The following NRXN3 variants were observed in gnomAD, a reference collection of about 807,000 sequenced individuals.
NRXN3 encodes the protein neurexin 3.
NRXN3 carries 32 observed loss-of-function variants against 137.6 expected under a neutral mutation model. That is an observed-to-expected ratio of 0.23 (90% CI 0.18 to 0.31). NRXN3 has a LOEUF of 0.31. NRXN3 is among the 10% of genes least tolerant of loss of function. NRXN3 has a pLI of 1.00. For missense variants in NRXN3, 1,574 were observed against 2,062.5 expected, an observed-to-expected ratio of 0.76 and a Z score of 4.59; for synonymous variants, 798 against 784.5, an observed-to-expected ratio of 1.02 and a Z score of -0.29.
At chr14:78,620,479 A>G (rs1451198670) in intron 4 of NRXN3, among the ~76,000 whole-genome samples, 3 of 152,206 alleles carry the variant, frequency 2.0e-5, no homozygotes, top group Non-Finnish European at 4.4e-5. Flanking sequence ...TATCAGAGGT[A>G]CATGCCCAGT....
At chr14:78,980,857 A>G (rs1390537526) in intron 14 of NRXN3, among the ~76,000 whole-genome samples, 4 of 152,334 alleles carry the variant, frequency 2.6e-5, no homozygotes, top group Non-Finnish European at 5.9e-5. Flanking sequence ...GTATACAAAG[A>G]AAGTCACCAT....
chr14:79,718,228 A>G (rs2098830296), intron 19 of NRXN3, among the ~76,000 whole-genome samples: 1 of 152,098 alleles, frequency 6.6e-6, no homozygotes, highest in Non-Finnish European at 1.5e-5. Context: ...AGTCTGGGGG[A>G]AGAACATTTA....
intron 4 of NRXN3, among the ~76,000 whole-genome samples, chr14:78,412,080 T>C (rs2092865880): frequency 6.6e-6 from 1 of 152,226 alleles, no homozygotes; most frequent in South Asian, 2.1e-4. Context: ...AAAGAATGCA[T>C]GTAAGATGTT....
At chr14:79,736,772 GAAGC>G (rs2098943553) in intron 19 of NRXN3, among the ~76,000 whole-genome samples, 1 of 152,134 alleles carries the variant, frequency 6.6e-6, no homozygotes, top group Non-Finnish European at 1.5e-5. Context: ...GGGAGTACTA[GAAGC>G]AAGAAGCCAG....
chr14:79,633,970 G>C (rs1465131144), intron 16 of NRXN3, among the ~76,000 whole-genome samples: 1 of 151,844 alleles, frequency 6.6e-6, no homozygotes, highest in African/African-American at 2.4e-5. Context: ...CACTCCTGCT[G>C]TACTAACAAA....
In NRXN3 at chr14:79,624,240, AC is replaced by A. The variant is rs1474765847; in HGVS notation, c.3445-39536del. On this transcript the variant is annotated intron_variant, in intron 16 of 20. Coordinates refer to ENST00000335750, the MANE Select transcript of NRXN3 (RefSeq NM_001330195.2). ...TCACAGGGAGCTCTAGAAATACATG[AC>A]CTAAATTGTTTCTTCTAAGCATATT... is the stretch of plus-strand genomic sequence containing the variant. Among the ~76,000 whole-genome samples the A allele has an allele frequency of 4.6e-5, 7 of 152,278 alleles. No individual in the cohort carries two copies. In the East Asian group the frequency reaches 1.4e-3, roughly 29 times the overall value.
rs114083311 is a variant in NRXN3 at position 78,501,683 on chromosome 14, A to G, written c.758-143437A>G. Among the ~76,000 whole-genome samples, 902 of 152,246 alleles carry G rather than the reference A, an allele frequency of 5.9e-3. 5 individuals carry two copies. The highest frequency in any genetic ancestry group is 0.02 in the African/African-American group (833 of 41,554). On this transcript the variant is annotated intron_variant, in intron 4 of 20. Transcript: ENST00000335750. Reference sequence around the variant, plus strand: ...GAAGGACATTTCAATTCTGGAAGGTATCTGATATGGAGACTCTTAAGGCAC... The same window carrying G: ...GAAGGACATTTCAATTCTGGAAGGTGTCTGATATGGAGACTCTTAAGGCAC...
intron 4 of NRXN3, among the ~76,000 whole-genome samples, chr14:78,500,003 CTAAAG>C (rs2095853796): frequency 2.6e-5 from 4 of 152,118 alleles, no homozygotes; most frequent in Non-Finnish European, 4.4e-5. Context: ...AACGCAAACT[CTAAAG>C]GAAGGGATTA....
At chr14:79,750,731 G>C (rs188880265) in intron 19 of NRXN3, among the ~76,000 whole-genome samples, 2 of 152,058 alleles carry the variant, frequency 1.3e-5, no homozygotes, top group African/African-American at 4.8e-5. Flanking sequence ...GCAAAGTCAG[G>C]GTCCTAAAAT....
intron 6 of NRXN3, among the ~76,000 whole-genome samples, chr14:78,703,284 C>T (rs1041518690): frequency 2.0e-5 from 3 of 151,984 alleles, no homozygotes; most frequent in East Asian, 1.9e-4. Context: ...GACAGTTTAG[C>T]GGAGGGAGAA....
At chr14:78,667,716 A>T (rs1025338379) in intron 6 of NRXN3, among the ~76,000 whole-genome samples, 1 of 152,222 alleles carries the variant, frequency 6.6e-6, no homozygotes, top group East Asian at 1.9e-4. Context: ...ATGTGTGCAT[A>T]TGTGAAATAT....
intron 16 of NRXN3, among the ~76,000 whole-genome samples, chr14:79,520,283 T>G (rs1334311175): frequency 6.6e-6 from 1 of 152,158 alleles, no homozygotes; most frequent in Non-Finnish European, 1.5e-5. Context: ...AATTTAATTG[T>G]TTTATTTATT....
At chr14:79,280,136 T>A in intron 15 of NRXN3, 2 of 1,470,804 alleles carry the variant, frequency 1.4e-6, no homozygotes, top group Non-Finnish European at 1.8e-6. Flanking sequence ...ATTTTTTAAC[T>A]GATTCATTGT....
chr14:78,842,771 T>G (rs1291448580), intron 10 of NRXN3, among the ~76,000 whole-genome samples: 1 of 152,138 alleles, frequency 6.6e-6, no homozygotes, highest in Non-Finnish European at 1.5e-5. Flanking sequence ...ATGCATTCTC[T>G]TTCTCAGGGA....
At chr14:78,197,444 A>G (rs1430573018) in intron 1 of NRXN3, among the ~76,000 whole-genome samples, 2 of 152,176 alleles carry the variant, frequency 1.3e-5, no homozygotes, top group Non-Finnish European at 2.9e-5. Flanking sequence ...CTGTGCAGCA[A>G]TTGGGGAGGT....
At chr14:79,697,532 C>T (rs2098739977) in intron 18 of NRXN3, 98 bp from the exon 19 acceptor site, 2 of 1,333,812 alleles carry the variant, frequency 1.5e-6, no homozygotes, top group Non-Finnish European at 2.0e-6. Context: ...TTCAATTGCT[C>T]AAGGAAGCCT....
chr14:78,549,050 C>G (rs750930665), intron 4 of NRXN3, among the ~76,000 whole-genome samples: 31 of 152,220 alleles, frequency 2.0e-4, no homozygotes, highest in Non-Finnish European at 4.0e-4. Context: ...TCCTCTTTCC[C>G]CCTTTCTGAC....
intron 4 of NRXN3, among the ~76,000 whole-genome samples, chr14:78,302,531 G>A (rs2153532691): frequency 6.6e-6 from 1 of 152,250 alleles, no homozygotes; most frequent in African/African-American, 2.4e-5. Context: ...GGATACAAGG[G>A]TGACCTCCAC....
chr14:79,239,593 A>T (rs1387661690), intron 15 of NRXN3, among the ~76,000 whole-genome samples: 1 of 152,172 alleles, frequency 6.6e-6, no homozygotes, highest in Non-Finnish European at 1.5e-5. Context: ...AAATGTATGG[A>T]GATTCCTCAT....
Sources: allele counts gnomAD v4.1 joint callset (sites outside exome capture counted in the v4.1 genomes callset), GRCh38; gene constraint gnomAD v4.1.1; transcripts MANE v1.5; gene names NCBI Gene and HGNC (gene_info 2026-07-23, HGNC 2026-07-21).